The following CFAP144 variants were observed in gnomAD, a reference collection of about 807,000 sequenced individuals.
CFAP144 encodes cilia and flagella associated protein 144.
At chr1:43,147,970 G>T in the CFAP144 span, 1 of 1,614,054 alleles carries the variant, frequency 6.2e-7, no homozygotes, top group Non-Finnish European at 8.5e-7. Flanking sequence ...ACACCCAAAA[G>T]AGAAGGTGAT....
At chr1:43,156,121 G>A in the CFAP144 span, 1 of 1,106,460 alleles carries the variant, frequency 9.0e-7, no homozygotes, top group Non-Finnish European at 1.4e-6. Flanking sequence ...GGTGGAGCCT[G>A]ATATAAGCCA....
chr1:43,148,091 G>C, the CFAP144 span: 1 of 1,611,194 alleles, frequency 6.2e-7, no homozygotes. Flanking sequence ...AAGAGTGAGA[G>C]GCACGGCGGG....
chr1:43,145,190 G>C, the CFAP144 span: 1 of 1,372,196 alleles, frequency 7.3e-7, no homozygotes. Flanking sequence ...TTTGAGACTG[G>C]CTTCTCCACG....
chr1:43,153,124 A>C, the CFAP144 span: 162 of 606,864 alleles, frequency 2.7e-4, no homozygotes, highest in Non-Finnish European at 3.5e-4. Flanking sequence ...TACCTATCTC[A>C]TAAGCTTGTT....
the CFAP144 span, among the ~76,000 whole-genome samples, chr1:43,154,704 A>T: frequency 3.9e-5 from 6 of 152,206 alleles, no homozygotes; most frequent in African/African-American, 1.4e-4. Flanking sequence ...AAAACCAGAA[A>T]GAAGACTTTT....
chr1:43,143,398 G>C, the CFAP144 span, among the ~76,000 whole-genome samples: 3 of 152,162 alleles, frequency 2.0e-5, no homozygotes, highest in Non-Finnish European at 4.4e-5. Flanking sequence ...CTTCCATAGA[G>C]TACAACTGAA....
chr1:43,148,114 C>A, the CFAP144 span: 1 of 1,601,102 alleles, frequency 6.2e-7, no homozygotes, highest in Admixed American at 1.7e-5. Context: ...GGGGGAAGGG[C>A]GAGAGCGGGA....
chr1:43,152,731 T>C, the CFAP144 span: 4 of 1,333,264 alleles, frequency 3.0e-6, no homozygotes, highest in Non-Finnish European at 4.0e-6. Context: ...GCACAGATGC[T>C]CTGCCTGAAA....
the CFAP144 span, among the ~76,000 whole-genome samples, chr1:43,149,110 A>T: frequency 2.0e-5 from 3 of 152,154 alleles, no homozygotes; most frequent in Non-Finnish European, 2.9e-5. Flanking sequence ...CCAAACCCCT[A>T]CACCTTTGCT....
chr1:43,145,668 C>G, the CFAP144 span, among the ~76,000 whole-genome samples: 5 of 152,188 alleles, frequency 3.3e-5, no homozygotes, highest in Admixed American at 2.6e-4. Context: ...AAGAAGTGCT[C>G]TCCTCAAACT....
the CFAP144 span, among the ~76,000 whole-genome samples, chr1:43,149,356 TC>T: frequency 6.6e-6 from 1 of 152,064 alleles, no homozygotes; most frequent in Admixed American, 6.6e-5. Context: ...CACACTCCTT[TC>T]CCCCCTGCCA....
At chr1:43,149,097 C>T in the CFAP144 span, among the ~76,000 whole-genome samples, 2 of 152,132 alleles carry the variant, frequency 1.3e-5, no homozygotes, top group Non-Finnish European at 2.9e-5. Flanking sequence ...CTGGCCCCTC[C>T]GACCAAACCC....
At chr1:43,150,837 G>A in the CFAP144 span, 15 of 1,597,848 alleles carry the variant, frequency 9.4e-6, no homozygotes, top group Admixed American at 2.6e-4. Flanking sequence ...CCTGGGCTTT[G>A]AAATGCCATT....
the CFAP144 span, among the ~76,000 whole-genome samples, chr1:43,151,145 G>A: frequency 2.7e-4 from 41 of 152,278 alleles, no homozygotes; most frequent in Admixed American, 5.9e-4. Context: ...ATAAGCACAA[G>A]TTCTGAAGCT....
At chr1:43,150,962 AGCTC>A in the CFAP144 span, 4 of 654,302 alleles carry the variant, frequency 6.1e-6, no homozygotes, top group Admixed American at 2.7e-5. Context: ...ATACTAACCA[AGCTC>A]AAAAAAGACG....
At chr1:43,154,099 T>TATAC in the CFAP144 span, among the ~76,000 whole-genome samples, 15 of 124,058 alleles carry the variant, frequency 1.2e-4, no homozygotes, top group East Asian at 1.1e-3. Context: ...TATATATATA[T>TATAC]ACTCTCTTTT....
chr1:43,150,533 G>A, the CFAP144 span, among the ~76,000 whole-genome samples: 1 of 152,236 alleles, frequency 6.6e-6, no homozygotes. Context: ...TCAAATTCAA[G>A]GAGCCACATG....
chr1:43,148,804 G>A, the CFAP144 span, among the ~76,000 whole-genome samples: 1 of 151,734 alleles, frequency 6.6e-6, no homozygotes, highest in Non-Finnish European at 1.5e-5. Flanking sequence ...TAGAAGCCTC[G>A]GAGTCCTCCT....
the CFAP144 span, among the ~76,000 whole-genome samples, chr1:43,155,019 G>A: frequency 6.6e-6 from 1 of 152,162 alleles, no homozygotes; most frequent in Non-Finnish European, 1.5e-5. Context: ...GATATTAAAG[G>A]TAGGGGGTTC....
Sources: gnomAD v4.1 joint callset for allele counts (sites outside exome capture counted in the v4.1 genomes callset) on GRCh38, gnomAD v4.1.1 for gene constraint, MANE v1.5 for transcripts, NCBI Gene and HGNC (gene_info 2026-07-23, HGNC 2026-07-21) for gene names.